Variants in ATXN7L1 observed in about 807,000 individuals in gnomAD.
The protein encoded by ATXN7L1 is ataxin-7-like protein 1.
In ATXN7L1, 15 loss-of-function variants were observed where a neutral mutation model predicts 70.8. That is an observed-to-expected ratio of 0.21 (90% CI 0.14 to 0.33). ATXN7L1 has a LOEUF of 0.33. Ranked by LOEUF, ATXN7L1 falls within the 10% of genes least tolerant of loss-of-function variation. The pLI, the probability that ATXN7L1 is intolerant of heterozygous loss-of-function variation, is 1.00. For synonymous variants in ATXN7L1, 440 were observed against 445.1 expected (o/e 0.99, Z 0.14); for missense variants, 975 against 1,097.1 (o/e 0.89, Z 1.57).
chr7:105,821,226 A>G (rs543783474), intron 2 of ATXN7L1, among the ~76,000 whole-genome samples: 1 of 152,100 alleles, frequency 6.6e-6, no homozygotes, highest in African/African-American at 2.4e-5. Context: ...TTTAGTAGAG[A>G]TGGGGTTTCT....
chr7:105,712,362 C>T (rs1274347423), intron 3 of ATXN7L1, among the ~76,000 whole-genome samples: 1 of 152,218 alleles, frequency 6.6e-6, no homozygotes, highest in Non-Finnish European at 1.5e-5. Context: ...GCTTGAATTT[C>T]TCCCCAGAAA....
intron 3 of ATXN7L1, among the ~76,000 whole-genome samples, chr7:105,707,814 C>G (rs563417539): frequency 6.6e-6 from 1 of 152,308 alleles, no homozygotes; most frequent in East Asian, 1.9e-4. Context: ...GGCATGAGTA[C>G]AGAAATCATT....
At chr7:105,742,898 G>A (rs1016163796) in intron 3 of ATXN7L1, among the ~76,000 whole-genome samples, 2 of 152,036 alleles carry the variant, frequency 1.3e-5, no homozygotes, top group Non-Finnish European at 2.9e-5. Context: ...CCCTTGACGA[G>A]TATCTTCCAG....
intron 3 of ATXN7L1, among the ~76,000 whole-genome samples, chr7:105,778,516 A>AC (rs1376041899): frequency 6.4e-5 from 8 of 125,048 alleles, no homozygotes; most frequent in African/African-American, 2.9e-4. Flanking sequence ...ATCTCAAAAA[A>AC]AAAAAAAAAA....
chr7:105,708,931 G>T (rs890579689), intron 3 of ATXN7L1, among the ~76,000 whole-genome samples: 1 of 152,214 alleles, frequency 6.6e-6, no homozygotes, highest in Admixed American at 6.5e-5. Flanking sequence ...ACATCAGAGA[G>T]TAGTGCCCTA....
At chr7:105,656,310 G>T (rs1055354099) in intron 4 of ATXN7L1, among the ~76,000 whole-genome samples, 1 of 152,176 alleles carries the variant, frequency 6.6e-6, no homozygotes, top group African/African-American at 2.4e-5. Context: ...ATTCTTATGT[G>T]GGGACCGAGT....
intron 9 of ATXN7L1, among the ~76,000 whole-genome samples, chr7:105,618,803 C>T (rs1794313289): frequency 6.6e-6 from 1 of 152,286 alleles, no homozygotes; most frequent in Non-Finnish European, 1.5e-5. Context: ...GTGGGCCGGC[C>T]TTACATTATC....
At chr7:105,863,314 G>C (rs982215147) in intron 2 of ATXN7L1, among the ~76,000 whole-genome samples, 6 of 152,366 alleles carry the variant, frequency 3.9e-5, no homozygotes, top group East Asian at 1.9e-4. Context: ...TGGAATGAGA[G>C]AGCGTTTCCC....
At chr7:105,700,483 TG>T (rs1031075111) in intron 3 of ATXN7L1, among the ~76,000 whole-genome samples, 2 of 117,358 alleles carry the variant, frequency 1.7e-5, no homozygotes. Flanking sequence ...CACTCCAGCC[TG>T]GGTGACAGGG....
chr7:105,810,723 C>A (rs1281846788), intron 2 of ATXN7L1, among the ~76,000 whole-genome samples: 1 of 152,182 alleles, frequency 6.6e-6, no homozygotes, highest in African/African-American at 2.4e-5. Context: ...GGCACTGAAG[C>A]CGGGGATGGC....
rs555279678 is a variant in ATXN7L1 at position 105,750,578 on chromosome 7, C to T, written c.355+38026G>A. On this transcript the variant is annotated intron_variant, in intron 3 of 11. Transcript: ENST00000419735. ...GCACTTTGGGAGGCAGAGGCGGGTG[C>T]ATCGCCTGAGGTCAGGCGTTCGAGA... Among the ~76,000 whole-genome samples, 70 of 151,992 alleles carry T rather than the reference C, an allele frequency of 4.6e-4. 3 individuals are homozygous for T. Among genetic ancestry groups the T allele is most frequent in the Non-Finnish European group, 8.8e-4 (60 of 67,988 alleles).
intron 7 of ATXN7L1, among the ~76,000 whole-genome samples, chr7:105,631,787 C>G (rs1309850163): frequency 6.6e-6 from 1 of 152,164 alleles, no homozygotes; most frequent in Non-Finnish European, 1.5e-5. Flanking sequence ...AACTTGCTAA[C>G]AAGAGAGCAA....
intron 2 of ATXN7L1, among the ~76,000 whole-genome samples, chr7:105,873,777 G>A (rs532913827): frequency 2.6e-5 from 4 of 152,102 alleles, no homozygotes; most frequent in East Asian, 1.9e-4. Context: ...CCTAATAAGC[G>A]GGATGTACCA....
intron 2 of ATXN7L1, among the ~76,000 whole-genome samples, chr7:105,789,121 G>A (rs1804755476): frequency 6.6e-6 from 1 of 152,236 alleles, no homozygotes; most frequent in Admixed American, 6.5e-5. Context: ...AGGGAAGTGA[G>A]AGGTGTCTGG....
chr7:105,686,031 T>C (rs1377147857), intron 3 of ATXN7L1, among the ~76,000 whole-genome samples: 2 of 152,188 alleles, frequency 1.3e-5, no homozygotes, highest in East Asian at 3.9e-4. Flanking sequence ...GAGAGCAGCA[T>C]TAAGATGGGA....
At chr7:105,803,231 G>C (rs1807078257) in intron 2 of ATXN7L1, among the ~76,000 whole-genome samples, 1 of 152,252 alleles carries the variant, frequency 6.6e-6, no homozygotes, top group East Asian at 1.9e-4. Flanking sequence ...GGGAGGCCAG[G>C]GAGGGCAGTG....
chr7:105,627,038 T>C (rs1795806036), intron 7 of ATXN7L1, among the ~76,000 whole-genome samples: 2 of 152,212 alleles, frequency 1.3e-5, no homozygotes, highest in Non-Finnish European at 2.9e-5. Flanking sequence ...AGTATGAATA[T>C]ATCACAATTT....
At chr7:105,667,418 G>GATCTTTCTGATAGATGAGGTTATCAGTT (rs1584620390) in intron 3 of ATXN7L1, among the ~76,000 whole-genome samples, 12 of 102,164 alleles carry the variant, frequency 1.2e-4, no homozygotes, top group East Asian at 1.3e-3. Flanking sequence ...GTCAACTAGT[G>GATCTTTCTGATAGATGAGGTTATCAGTT]GCCGGGCGCG....
intron 2 of ATXN7L1, among the ~76,000 whole-genome samples, chr7:105,867,255 C>T (rs951461220): frequency 1.4e-4 from 21 of 152,282 alleles, no homozygotes; most frequent in South Asian, 1.0e-3. Context: ...CTTTGCTTTC[C>T]GTCATGTGCA....
Sources: allele counts gnomAD v4.1 joint callset (sites outside exome capture counted in the v4.1 genomes callset), GRCh38; gene constraint gnomAD v4.1.1; transcripts MANE v1.5; gene names NCBI Gene and HGNC (gene_info 2026-07-23, HGNC 2026-07-21).